Variants in TMC6 observed in about 807,000 individuals in gnomAD.
The protein encoded by TMC6 is transmembrane channel-like protein 6.
TMC6 carries 71 observed loss-of-function variants against 95.4 expected under a neutral mutation model. The ratio of observed to expected loss-of-function variants is 0.74; its 90% confidence interval spans 0.61 to 0.91. TMC6 has a LOEUF of 0.91. TMC6 is among the 40% of genes least tolerant of loss of function. The probability of loss-of-function intolerance (pLI) is 0.00; values close to 1 mark genes in which losing one functional copy is unlikely to be tolerated. For missense variants in TMC6, 1,074 were observed against 1,079.1 expected (o/e 1.00, Z 0.07); for synonymous variants, 514 against 483.1 (o/e 1.06, Z -0.84).
At chr17:78,129,429 T>C (rs1369127143), upstream of TMC6, among the ~76,000 whole-genome samples, 1 of 152,152 alleles carries the variant, frequency 6.6e-6, no homozygotes, top group Non-Finnish European at 1.5e-5. This position sits in a 1 kb window ranked among gnomAD's most constrained non-coding sequence, Gnocchi z 4.3. Context: ...AATCACCCTT[T>C]AGGGTGCCCC....
intron 13 of TMC6, chr17:78,120,429 G>A (rs751809023): frequency 1.5e-6 from 1 of 677,328 alleles, no homozygotes; most frequent in South Asian, 1.5e-5. Context: ...CAAAGTGCTG[G>A]GATTACAGGC....
chr17:78,131,917 G>A (rs757695775), upstream of TMC6: 41 of 1,496,284 alleles, frequency 2.7e-5, no homozygotes, highest in Admixed American at 8.0e-4. Context: ...CAGACCTTGC[G>A]CTGGCAGCGG....
chr17:78,131,728 G>C (rs1598893920), upstream of TMC6: 1 of 1,583,676 alleles, frequency 6.3e-7, no homozygotes. Flanking sequence ...ATGGACAAGC[G>C]CCTCATCTGG....
intron 4 of TMC6, 194 bp from the exon 5 acceptor site, chr17:78,126,078 G>T: frequency 9.0e-7 from 1 of 1,113,018 alleles, no homozygotes; most frequent in Non-Finnish European, 1.3e-6. Flanking sequence ...CATTTTTGGA[G>T]CCCAGCGAGG....
intron 4 of TMC6, 56 bp from the exon 5 acceptor site, chr17:78,125,940 A>T (rs1015763423): frequency 3.7e-5 from 57 of 1,547,872 alleles, no homozygotes; most frequent in Non-Finnish European, 5.0e-5. Context: ...CCCTCCCCTC[A>T]GGATGGGCTC....
In TMC6 at chr17:78,124,710, C is replaced by T; in HGVS notation, c.705G>A (p.Lys235=). 1 of 1,596,738 alleles carries T rather than the reference C, an allele frequency of 6.3e-7. No homozygotes were observed. Among genetic ancestry groups the T allele is most frequent in the Non-Finnish European group, 8.5e-7 (1 of 1,172,162 alleles). The change falls in exon 8 of 20, where the codon AAG becomes AAA. Residue 235 remains lysine (K), a synonymous_variant. Coordinates refer to ENST00000590602, the MANE Select transcript of TMC6 (RefSeq NM_001127198.5). ...QALMPWRYAL[K]RIGGQFGSSV... ...TGGAGCCGAACTGGCCCCCGATGCG[C>T]TTCAGGGCGTAGCGCCACGGCATCA... is the stretch of plus-strand genomic sequence containing the variant.
At chr17:78,113,689 T>A (rs1378780841) in intron 18 of TMC6, 65 bp from the exon 19 acceptor site, 2 of 1,549,678 alleles carry the variant, frequency 1.3e-6, no homozygotes, top group Non-Finnish European at 1.8e-6. Flanking sequence ...GCCATCCTGT[T>A]CCAAACTGCA....
chr17:78,124,084 T>C lies in TMC6; in HGVS notation c.987A>G (p.Thr329=), dbSNP rs756299865. The C allele has an allele frequency of 6.2e-7, 1 of 1,613,304 alleles. No individual in the cohort carries two copies. Among genetic ancestry groups the C allele is most frequent in the Non-Finnish European group, 8.5e-7 (1 of 1,179,928 alleles). Residue 329 remains threonine, a synonymous_variant, in exon 9 of 20, where the codon ACA becomes ACG. Coordinates refer to ENST00000590602, the MANE Select transcript of TMC6 (RefSeq NM_001127198.5). The part of the protein sequence containing the change: ...CGSPLDGSQC[T]PRVGGLPYNM... The stretch of plus-strand genomic sequence containing the variant: ...TGTAGGGCAGGCCACCCACCCTGGG[T>C]GTGCACTGGCTGCCATCCAGGGGGC...
Position 78,109,351 on chromosome 17 carries a change from A to T in TMC6, c.*3797T>A. On this transcript the variant is annotated 3_prime_UTR_variant, in exon 20 of 20. Transcript: ENST00000590602. ...GCAGGAGTGCGGTGTCTACGGATGG[A>T]CCAAGAAAACCTACGCAGGATCCAC... 2.3e-6 allele frequency: 1 copy of T among 428,596 alleles called. No individual in the cohort carries two copies. The highest frequency in any genetic ancestry group is 4.7e-6 in the Non-Finnish European group (1 of 211,840). The allele number at this position is 428,596 out of a possible 1,614,324, so 26.5% of individuals were successfully genotyped here. A position where few individuals can be genotyped will look rare whatever the true frequency, so the allele number is the denominator to read the frequency against.
upstream of TMC6, among the ~76,000 whole-genome samples, chr17:78,129,126 C>CAG (rs1568007712): frequency 4.4e-4 from 66 of 151,262 alleles, no homozygotes; most frequent in African/African-American, 1.6e-3. The surrounding 1 kb of genome is among the most constrained non-coding windows in gnomAD (Gnocchi z 4.3). Context: ...GCCCCCCCCC[C>CAG]CGCCGCCCCC....
intron 13 of TMC6, 91 bp from the exon 14 acceptor site, chr17:78,119,483 G>T: frequency 1.5e-6 from 2 of 1,306,784 alleles, no homozygotes; most frequent in Non-Finnish European, 2.2e-6. Context: ...CCCGCCCCCA[G>T]CCAGGGGACA....
chr17:78,113,773 C>T, intron 18 of TMC6, 149 bp from the exon 19 acceptor site: 4 of 803,332 alleles, frequency 5.0e-6, no homozygotes, highest in Non-Finnish European at 8.3e-6. Flanking sequence ...GAAAGGGCCA[C>T]CAAACAAGGA....
At chr17:78,114,793 A>G (rs1326768001) in intron 18 of TMC6, among the ~76,000 whole-genome samples, 1 of 152,220 alleles carries the variant, frequency 6.6e-6, no homozygotes, top group African/African-American at 2.4e-5. Flanking sequence ...CACTTGAGCC[A>G]TGCCGACCTG....
In TMC6 at chr17:78,128,498, G is replaced by C. The variant is rs2074855381; in HGVS notation, c.-75+114C>G. 1 of 152,344 alleles carries C rather than the reference G, an allele frequency of 6.6e-6. No homozygotes were observed. The highest frequency in any genetic ancestry group is 6.5e-5 in the Admixed American group (1 of 15,308). 9.4% of individuals were successfully genotyped at this position (152,344 alleles called of 1,614,324 possible). On this transcript the variant is annotated intron_variant, in intron 1 of 19. Transcript: ENST00000590602. This position sits in a 1 kb window ranked among gnomAD's most constrained non-coding sequence, Gnocchi z 4.0. The stretch of plus-strand genomic sequence containing the variant: ...CCAGGAGCACCCGGGGAGGGAACTC[G>C]GCTGCCAAATGGCCCCAGAGGCCGA...
At chr17:78,132,318 C>A (rs531747560), upstream of TMC6, 1 of 1,609,282 alleles carries the variant, frequency 6.2e-7, no homozygotes, top group African/African-American at 1.3e-5. Context: ...GCCCCAGCCC[C>A]GGCCCCGGCC....
In TMC6 at chr17:78,125,146, G is replaced by C. The variant is rs528902960; in HGVS notation, c.536+12C>G. The C allele has an allele frequency of 1.2e-5, 18 of 1,555,466 alleles. No individual in the cohort carries two copies. The highest frequency in any genetic ancestry group is 1.5e-5 in the Non-Finnish European group (17 of 1,149,822). On this transcript the variant is annotated intron_variant, in intron 6 of 19. Coordinates refer to ENST00000590602, the MANE Select transcript of TMC6 (RefSeq NM_001127198.5). Reference sequence around the variant, plus strand: ...CAGCAGCGGCGGCATGGTCAGGGTCGGGGCTGCTCACCGCAGGCTGCGTTT... The same window carrying C: ...CAGCAGCGGCGGCATGGTCAGGGTCCGGGCTGCTCACCGCAGGCTGCGTTT...
At position 78,118,997 on chromosome 17, in the gene TMC6, G is replaced by A. The variant is rs1337717277; in HGVS notation, c.1861C>T (p.Leu621=). Residue 621 remains leucine, a synonymous_variant, in exon 15 of 20, where the codon CTG becomes TTG. Transcript: ENST00000590602. ...TTCTTGACATAGAAGACGAGCAGCA[G>A]CTTGATGATCTGCACGGCGGGGAGG... ...PLLPAVQIIK[L]LLVFYVKKTS... is the part of the protein sequence containing the mutation. 1 of 1,605,570 alleles carries A rather than the reference G, an allele frequency of 6.2e-7. No homozygotes were observed. Among genetic ancestry groups the A allele is most frequent in the African/African-American group, 1.3e-5 (1 of 74,770 alleles).
chr17:78,121,239 C>G lies in TMC6; in HGVS notation c.1384-75G>C. The G allele has an allele frequency of 1.3e-6, 2 of 1,538,418 alleles. No individual in the cohort carries two copies. The highest frequency in any genetic ancestry group is 1.7e-6 in the Non-Finnish European group (2 of 1,145,560). On this transcript the variant is annotated intron_variant, in intron 11 of 19. Transcript: ENST00000590602. This position sits in a 1 kb window ranked among gnomAD's most constrained non-coding sequence, Gnocchi z 5.6. ...GAGCGGGCAGCTACAGGGAAGGGCCCGGGGTGGAACTGGCAGGTAGCACCT... is the reference window on the plus strand; with the variant it reads ...GAGCGGGCAGCTACAGGGAAGGGCCGGGGGTGGAACTGGCAGGTAGCACCT...
chr17:78,113,408 G>T, intron 19 of TMC6, 140 bp downstream of exon 19: 1 of 1,205,318 alleles, frequency 8.3e-7, no homozygotes, highest in Admixed American at 2.0e-5. Flanking sequence ...GGTGGGCGCC[G>T]GGGGGGAGAT....
Sources: gnomAD v4.1 joint callset for allele counts (sites outside exome capture counted in the v4.1 genomes callset) on GRCh38, gnomAD v4.1.1 for gene constraint, Gnocchi (gnomAD v3.1) non-coding constraint, MANE v1.5 for transcripts, NCBI Gene and HGNC (gene_info 2026-07-23, HGNC 2026-07-21) for gene names.